CENPP: variants seen among roughly 807,000 people sequenced by gnomAD.
CENPP encodes centromere protein P.
In CENPP, 24 loss-of-function variants were observed where a neutral mutation model predicts 35.6. That is an observed-to-expected ratio of 0.67 (90% CI 0.49 to 0.95). The LOEUF (loss-of-function observed/expected upper bound fraction) is 0.95, where lower values mean the gene tolerates loss of function less well. Ranked by LOEUF, CENPP falls within the 40% of genes least tolerant of loss-of-function variation. The pLI is 0.00. For synonymous variants in CENPP, 120 were observed against 125.5 expected, an observed-to-expected ratio of 0.96 and a Z score of 0.29; for missense variants, 332 against 345.3, an observed-to-expected ratio of 0.96 and a Z score of 0.31.
At chr9:92,501,711 G>T (rs1416550720) in intron 5 of CENPP, among the ~76,000 whole-genome samples, 1 of 152,150 alleles carries the variant, frequency 6.6e-6, no homozygotes, top group Non-Finnish European at 1.5e-5. Context: ...TGGGCTCAGT[G>T]CCACATGCTG....
Position 92,484,181 on chromosome 9 carries a change from C to CA in CENPP, c.564+104331dup, listed in dbSNP as rs144740230. Among the ~76,000 whole-genome samples the CA allele has an allele frequency of 2.5e-3, 380 of 149,696 alleles. 1 individual carries two copies. Among genetic ancestry groups the CA allele is most frequent in the African/African-American group, 7.0e-3 (286 of 40,758 alleles). On this transcript the variant is annotated intron_variant, in intron 5 of 7. Transcript: ENST00000375587. ...AACTGTTTATTGAAGTGTATGTTAC[C>CA]AAAAAAAAACATATCATAATGGTAC... is the stretch of plus-strand genomic sequence containing the variant.
chr9:92,535,639 AT>A (rs1849123149), intron 5 of CENPP, among the ~76,000 whole-genome samples: 1 of 151,936 alleles, frequency 6.6e-6, no homozygotes, highest in South Asian at 2.1e-4. Context: ...TGAATTATTT[AT>A]GTTCTTTTAG....
chr9:92,459,601 A>G (rs768803902), intron 5 of CENPP: 4 of 1,604,202 alleles, frequency 2.5e-6, no homozygotes, highest in South Asian at 1.1e-5. Flanking sequence ...AAAAATACCA[A>G]TATCTACTGA....
intron 5 of CENPP, among the ~76,000 whole-genome samples, chr9:92,461,110 C>CTA (rs370365676): frequency 0.031 from 4,729 of 151,848 alleles, 114 homozygotes; most frequent in South Asian, 0.083. Flanking sequence ...TTTATCTACT[C>CTA]TTAATTATTT....
chr9:92,587,507 T>C (rs1426596407), intron 5 of CENPP, among the ~76,000 whole-genome samples: 1 of 152,150 alleles, frequency 6.6e-6, no homozygotes, highest in Non-Finnish European at 1.5e-5. Flanking sequence ...TTGTGGTATT[T>C]GCATATAATG....
In CENPP at chr9:92,373,637, C is replaced by T. The variant is rs181727263; in HGVS notation, c.468-6126C>T. Among the ~76,000 whole-genome samples the T allele has an allele frequency of 4.7e-4, 71 of 152,138 alleles. 2 individuals are homozygous for T. In the East Asian group the frequency reaches 0.011, roughly 23 times the overall value. The stretch of plus-strand genomic sequence containing the variant: ...GGTCAAGAGATCAAGACCATCCTGG[C>T]CAACATGATGAAACACCGTCTCTAC... On this transcript the variant is annotated intron_variant, in intron 4 of 7. Coordinates refer to ENST00000375587, the MANE Select transcript of CENPP (RefSeq NM_001012267.3).
At chr9:92,612,420 G>C in intron 6 of CENPP, 103 bp from the exon 7 acceptor site, 1 of 858,462 alleles carries the variant, frequency 1.2e-6, no homozygotes, top group Non-Finnish European at 1.9e-6. Flanking sequence ...TTCTAGCAGG[G>C]GAGCCCAGCA....
chr9:92,514,921 C>T (rs1252135641), intron 5 of CENPP: 2 of 1,614,010 alleles, frequency 1.2e-6, no homozygotes, highest in Non-Finnish European at 1.7e-6. Context: ...CCTCTCCTCT[C>T]CAGGCCTCTG....
chr9:92,544,066 T>C (rs1362496323), intron 5 of CENPP, among the ~76,000 whole-genome samples: 1 of 152,232 alleles, frequency 6.6e-6, no homozygotes, highest in Non-Finnish European at 1.5e-5. Context: ...ACTACCAGTT[T>C]TATGTTGAAT....
chr9:92,364,995 A>C (rs993629075), intron 4 of CENPP, among the ~76,000 whole-genome samples: 1 of 152,214 alleles, frequency 6.6e-6, no homozygotes. Context: ...TAGACAGACA[A>C]GTCGCTAGTG....
At chr9:92,466,505 A>G in intron 5 of CENPP, 1 of 1,614,040 alleles carries the variant, frequency 6.2e-7, no homozygotes, top group Non-Finnish European at 8.5e-7. Flanking sequence ...AGCCTTCGCA[A>G]CTTCTTTGTG....
chr9:92,420,638 C>G (rs1843762212), intron 5 of CENPP, among the ~76,000 whole-genome samples: 1 of 152,040 alleles, frequency 6.6e-6, no homozygotes, highest in Admixed American at 6.6e-5. Context: ...GGGTGATGAC[C>G]TTGCTTCTTT....
chr9:92,370,790 T>G (rs1841989042), intron 4 of CENPP, among the ~76,000 whole-genome samples: 1 of 152,302 alleles, frequency 6.6e-6, no homozygotes, highest in African/African-American at 2.4e-5. Flanking sequence ...CCTAGACTTC[T>G]TGTTGATTCA....
intron 3 of CENPP, among the ~76,000 whole-genome samples, chr9:92,344,070 A>G (rs1841205973): frequency 6.6e-6 from 1 of 151,972 alleles, no homozygotes; most frequent in Admixed American, 6.6e-5. Flanking sequence ...TGTGGGCTTA[A>G]GTGGACCATA....
At chr9:92,399,686 G>T (rs879443889) in intron 5 of CENPP, among the ~76,000 whole-genome samples, 2 of 152,186 alleles carry the variant, frequency 1.3e-5, no homozygotes, top group South Asian at 4.1e-4. Flanking sequence ...TTTATTTTTT[G>T]TGTAAGGTAT....
chr9:92,481,824 T>A (rs1333127535), intron 5 of CENPP, among the ~76,000 whole-genome samples: 1 of 152,164 alleles, frequency 6.6e-6, no homozygotes, highest in Non-Finnish European at 1.5e-5. Flanking sequence ...ATAAGTAAAA[T>A]TGACATTTCA....
chr9:92,500,703 A>G (rs755665680), intron 5 of CENPP: 7 of 1,588,608 alleles, frequency 4.4e-6, no homozygotes, highest in Non-Finnish European at 6.0e-6. Context: ...ATTTAAACAG[A>G]TACTTGAAAA....
At chr9:92,331,700 G>A (rs770801192) in intron 1 of CENPP, among the ~76,000 whole-genome samples, 5 of 152,198 alleles carry the variant, frequency 3.3e-5, no homozygotes, top group Admixed American at 6.5e-5. Flanking sequence ...GGTGGATCAC[G>A]CCTGTAATCC....
intron 6 of CENPP, among the ~76,000 whole-genome samples, chr9:92,611,672 G>C (rs1057510550): frequency 4.6e-5 from 7 of 152,094 alleles, no homozygotes; most frequent in African/African-American, 1.7e-4. Flanking sequence ...AAGTGGAGAT[G>C]CTTGTGGATC....
Sources: gnomAD v4.1 joint callset for allele counts (sites outside exome capture counted in the v4.1 genomes callset) on GRCh38, gnomAD v4.1.1 for gene constraint, MANE v1.5 for transcripts, NCBI Gene and HGNC (gene_info 2026-07-23, HGNC 2026-07-21) for gene names.